The following RIN2 variants were observed in gnomAD, a reference collection of about 807,000 sequenced individuals.
RIN2 encodes RAB5 interacting protein 2.
In RIN2, 36 loss-of-function variants were observed where a neutral mutation model predicts 78.0. The observed-to-expected ratio is 0.46, with a 90% CI of 0.35 to 0.61. RIN2 has a LOEUF of 0.61. RIN2 is among the 20% of genes least tolerant of loss of function. The probability of loss-of-function intolerance (pLI) is 0.00; values close to 1 mark genes in which losing one functional copy is unlikely to be tolerated. For missense variants in RIN2, 1,087 were observed against 1,159.7 expected, an observed-to-expected ratio of 0.94 and a Z score of 0.91; for synonymous variants, 466 against 466.8, an observed-to-expected ratio of 1.00 and a Z score of 0.02.
rs1443982311 is a variant in RIN2, at chr20:19,769,545, G to A, written c.-163+11218G>A. The stretch of plus-strand genomic sequence containing the variant: ...AGGTTGCACAAGCCCTGCCAGTGAA[G>A]TGTAACAGGGTTGGATATGTAAATT... On this transcript the variant is annotated intron_variant, in intron 1 of 12. Coordinates refer to ENST00000255006, the MANE Select transcript of RIN2 (RefSeq NM_018993.4). Among the ~76,000 whole-genome samples, 17 of 152,230 alleles carry A rather than the reference G, an allele frequency of 1.1e-4. No individual in the cohort carries two copies. The East Asian group carries it at 3.3e-3, about 29-fold the overall frequency.
At chr20:19,826,438 T>G (rs1178155346) in intron 2 of RIN2, among the ~76,000 whole-genome samples, 1 of 152,214 alleles carries the variant, frequency 6.6e-6, no homozygotes, top group East Asian at 1.9e-4. Context: ...GGGGTGGCCC[T>G]TCCCTGTTTT....
chr20:19,911,110 G>A (rs6046449), intron 3 of RIN2, among the ~76,000 whole-genome samples: 5 of 151,924 alleles, frequency 3.3e-5, no homozygotes, highest in African/African-American at 9.6e-5. Context: ...GAGTGCAGTG[G>A]TGCAAACTCG....
intron 2 of RIN2, among the ~76,000 whole-genome samples, chr20:19,816,717 C>G (rs900738213): frequency 6.6e-6 from 1 of 152,180 alleles, no homozygotes; most frequent in East Asian, 1.9e-4. Flanking sequence ...ATTTCCTGAA[C>G]ATATAGGAAG....
intron 1 of RIN2, among the ~76,000 whole-genome samples, chr20:19,761,559 T>C (rs2033641840): frequency 6.6e-6 from 1 of 152,192 alleles, no homozygotes; most frequent in South Asian, 2.1e-4. Context: ...TCCAAGGAAT[T>C]CACCTAGGGA....
intron 2 of RIN2, among the ~76,000 whole-genome samples, chr20:19,814,324 T>A (rs2035696619): frequency 6.6e-6 from 1 of 152,186 alleles, no homozygotes. Flanking sequence ...TTTGGACCCA[T>A]GTTTGGTAGG....
intron 2 of RIN2, among the ~76,000 whole-genome samples, chr20:19,851,879 AGC>A (rs2036992511): frequency 6.6e-6 from 1 of 152,152 alleles, no homozygotes; most frequent in Non-Finnish European, 1.5e-5. Context: ...TACAACAACA[AGC>A]ACTTCTTTCT....
At chr20:19,821,462 C>T (rs2035924309) in intron 2 of RIN2, among the ~76,000 whole-genome samples, 1 of 152,078 alleles carries the variant, frequency 6.6e-6, no homozygotes, top group Non-Finnish European at 1.5e-5. Flanking sequence ...CAGAAGTATT[C>T]AGTGGGGCCC....
intron 3 of RIN2, among the ~76,000 whole-genome samples, chr20:19,928,544 G>T (rs2040318237): frequency 1.3e-5 from 2 of 152,170 alleles, no homozygotes; most frequent in South Asian, 4.1e-4. Context: ...AATTACTGTA[G>T]ACTCCTGCAC....
At chr20:19,808,260 G>A (rs8123292) in intron 2 of RIN2, among the ~76,000 whole-genome samples, 11,510 of 152,284 alleles carry the variant, frequency 0.076, 1,228 homozygotes, top group African/African-American at 0.24. Context: ...ACACCTGGCA[G>A]TCACAGGCCG....
At chr20:19,867,995 A>T (rs898279664) in intron 2 of RIN2, among the ~76,000 whole-genome samples, 9 of 152,224 alleles carry the variant, frequency 5.9e-5, no homozygotes, top group Non-Finnish European at 1.3e-4. Flanking sequence ...TGCAAAAGCC[A>T]TCAGTGTCGT....
At position 19,970,866 on chromosome 20, in the gene RIN2, C is replaced by T. The variant is rs2042082293; in HGVS notation, c.565C>T (p.Pro189Ser). The change falls in exon 8 of 13, where the codon CCT becomes TCT. Residue 189 changes from proline to serine, a missense_variant. Pro to Ser is a moderately conservative substitution (Grantham distance 74). Around this residue, in one of 8 missense-constraint regions of RIN2, gnomAD observed 706 missense variants for 667.5 expected, o/e 1.06. Transcript: ENST00000255006. ...RDVLPFTLKL[P>S]YAISTAKSEA... ...TGTTCTACCATTTACCTTGAAGTTGCCTTATGCCATTTCAACAGCCAAGTC... is the reference window on the plus strand; with the variant it reads ...TGTTCTACCATTTACCTTGAAGTTGTCTTATGCCATTTCAACAGCCAAGTC... 2 of 1,613,478 alleles carry T rather than the reference C, an allele frequency of 1.2e-6. No homozygotes were observed. The highest frequency in any genetic ancestry group is 8.5e-7 in the Non-Finnish European group (1 of 1,179,728).
chr20:19,949,241 C>T (rs1201165012), intron 4 of RIN2, among the ~76,000 whole-genome samples: 1 of 152,200 alleles, frequency 6.6e-6, no homozygotes. Context: ...AAGACTGCAC[C>T]ATTGCACTTC....
intron 2 of RIN2, among the ~76,000 whole-genome samples, chr20:19,843,209 G>C (rs1275296340): frequency 1.3e-5 from 2 of 152,222 alleles, no homozygotes; most frequent in Non-Finnish European, 2.9e-5. Context: ...GACAACTAAA[G>C]ATTTAGAATA....
Position 19,803,821 on chromosome 20 carries a change from A to ATCC in RIN2, c.-37+4076_-37+4078dup, listed in dbSNP as rs200150519. ...CATTTTCACAATATTGATTCTTCCT[A>ATCC]TCCTTGAGCATGGGATGTTTTTCCA... is the stretch of plus-strand genomic sequence containing the variant. On this transcript the variant is annotated intron_variant, in intron 2 of 12. Coordinates refer to ENST00000255006, the MANE Select transcript of RIN2 (RefSeq NM_018993.4). 6.9e-3 allele frequency among the ~76,000 whole-genome samples: 1,056 copies of ATCC among 152,246 alleles called. 10 individuals are homozygous for ATCC. Among genetic ancestry groups the ATCC allele is most frequent in the African/African-American group, 0.024 (1,009 of 41,542 alleles).
At chr20:19,945,589 G>A (rs1017237231) in intron 4 of RIN2, among the ~76,000 whole-genome samples, 1 of 152,196 alleles carries the variant, frequency 6.6e-6, no homozygotes, top group African/African-American at 2.4e-5. Context: ...CTTGGATGGA[G>A]CACTGGTCTC....
chr20:19,941,144 A>T (rs1465023662), intron 4 of RIN2, among the ~76,000 whole-genome samples: 1 of 152,230 alleles, frequency 6.6e-6, no homozygotes, highest in Non-Finnish European at 1.5e-5. Flanking sequence ...TTCCTTGGCC[A>T]GCTCTTCTCA....
chr20:19,851,161 T>G (rs962139367), intron 2 of RIN2, among the ~76,000 whole-genome samples: 1 of 152,226 alleles, frequency 6.6e-6, no homozygotes, highest in East Asian at 1.9e-4. Flanking sequence ...CACTGATCTC[T>G]AGGCATGCTG....
intron 5 of RIN2, among the ~76,000 whole-genome samples, chr20:19,957,355 C>T (rs926510597): frequency 1.3e-5 from 2 of 152,212 alleles, no homozygotes; most frequent in Non-Finnish European, 2.9e-5. Flanking sequence ...CCATCCAGAC[C>T]ACTCCACGAC....
At chr20:19,923,298 C>G (rs2040002808) in intron 3 of RIN2, among the ~76,000 whole-genome samples, 1 of 151,876 alleles carries the variant, frequency 6.6e-6, no homozygotes, top group Admixed American at 6.6e-5. Flanking sequence ...CGCCTGTAGT[C>G]TCAGCTACTT....
Sources: allele counts gnomAD v4.1 joint callset (sites outside exome capture counted in the v4.1 genomes callset), GRCh38; gene constraint gnomAD v4.1.1; regional missense constraint gnomAD v4.1.1; transcripts MANE v1.5; gene names NCBI Gene and HGNC (gene_info 2026-07-23, HGNC 2026-07-21).